PREP: variants seen among roughly 807,000 people sequenced by gnomAD.
PREP encodes the protein prolyl endopeptidase, also known as dJ355L5.1 (prolyl endopeptidase).
Under a neutral mutation model 87.6 loss-of-function variants are expected in PREP, and 29 were observed. The ratio of observed to expected loss-of-function variants is 0.33; its 90% CI spans 0.25 to 0.45. The LOEUF is 0.45. Among genes scored for constraint, PREP ranks in the 20% least tolerant of loss-of-function variants. The pLI, the probability that PREP is intolerant of heterozygous loss-of-function variation, is 1.00. For synonymous variants in PREP, 337 were observed against 328.6 expected, an observed-to-expected ratio of 1.03 and a Z score of -0.28; for missense variants, 695 against 886.5, an observed-to-expected ratio of 0.78 and a Z score of 2.74.
chr6:105,273,932 C>T lies in PREP; in HGVS notation c.*4212G>A, dbSNP rs377277829. Reference sequence around the variant, plus strand: ...CCCTCATTCCGTTCGGGTCTTTGTCCGAATGTTGCTTCCTGAAAGAGGCAC... The same window carrying T: ...CCCTCATTCCGTTCGGGTCTTTGTCTGAATGTTGCTTCCTGAAAGAGGCAC... On this transcript the variant is annotated 3_prime_UTR_variant, in exon 15 of 15. Coordinates refer to ENST00000652536, the MANE Select transcript of PREP (RefSeq NM_002726.5). 5.6e-4 allele frequency among the ~76,000 whole-genome samples: 85 copies of T among 152,270 alleles called. No individual in the cohort carries two copies. Among genetic ancestry groups the T allele is most frequent in the African/African-American group, 1.8e-3 (74 of 41,554 alleles).
At chr6:105,399,990 C>G (rs763322485) in intron 1 of PREP, among the ~76,000 whole-genome samples, 18 of 152,208 alleles carry the variant, frequency 1.2e-4, no homozygotes, top group Non-Finnish European at 2.4e-4. Flanking sequence ...CCTATCTGCC[C>G]AGACCGGGCA....
chr6:105,321,835 C>T (rs774352777), intron 10 of PREP, among the ~76,000 whole-genome samples: 1 of 152,050 alleles, frequency 6.6e-6, no homozygotes, highest in Non-Finnish European at 1.5e-5. Flanking sequence ...AGAGCTGAGC[C>T]CCCTCATAGA....
At chr6:105,363,335 T>G (rs963014700) in intron 6 of PREP, among the ~76,000 whole-genome samples, 2 of 152,168 alleles carry the variant, frequency 1.3e-5, no homozygotes, top group African/African-American at 4.8e-5. Flanking sequence ...TTTGATTTCT[T>G]TAGGATTTTT....
At chr6:105,353,307 T>C (rs546977787) in intron 6 of PREP, among the ~76,000 whole-genome samples, 1 of 152,344 alleles carries the variant, frequency 6.6e-6, no homozygotes, top group East Asian at 1.9e-4. Context: ...TAGTTGAAAA[T>C]ATCAGTAGAG....
chr6:105,385,707 A>G (rs1391397515), intron 2 of PREP, among the ~76,000 whole-genome samples: 1 of 152,236 alleles, frequency 6.6e-6, no homozygotes, highest in African/African-American at 2.4e-5. Flanking sequence ...GCATTTATTA[A>G]GCACTTACTA....
chr6:105,363,498 C>T (rs1342926343), intron 6 of PREP, among the ~76,000 whole-genome samples: 1 of 152,180 alleles, frequency 6.6e-6, no homozygotes, highest in Non-Finnish European at 1.5e-5. Flanking sequence ...GGCACCTCTG[C>T]CCATCAAAGC....
At chr6:105,383,173 A>G (rs1772891849) in intron 2 of PREP, among the ~76,000 whole-genome samples, 1 of 151,996 alleles carries the variant, frequency 6.6e-6, no homozygotes, top group Admixed American at 6.6e-5. Context: ...TTCAGGAAAC[A>G]CGTCCAGAAA....
intron 10 of PREP, among the ~76,000 whole-genome samples, chr6:105,294,240 C>T (rs1251616623): frequency 6.6e-6 from 1 of 152,204 alleles, no homozygotes; most frequent in Non-Finnish European, 1.5e-5. Context: ...AGGTCTAGGG[C>T]AGAGCCCCCA....
chr6:105,351,601 G>C (rs1344605701), intron 7 of PREP, among the ~76,000 whole-genome samples: 1 of 152,182 alleles, frequency 6.6e-6, no homozygotes, highest in Non-Finnish European at 1.5e-5. Flanking sequence ...AGCAGATATA[G>C]CAATAGCAGT....
At chr6:105,371,680 T>TA (rs1399476849) in intron 5 of PREP, among the ~76,000 whole-genome samples, 1 of 151,892 alleles carries the variant, frequency 6.6e-6, no homozygotes, top group Non-Finnish European at 1.5e-5. Flanking sequence ...TACCAGAATG[T>TA]AAAAAAAGCT....
intron 10 of PREP, among the ~76,000 whole-genome samples, chr6:105,319,057 C>G (rs1354944028): frequency 6.6e-6 from 1 of 152,164 alleles, no homozygotes; most frequent in Non-Finnish European, 1.5e-5. Flanking sequence ...AATCCCACTC[C>G]CTCCACCCCA....
intron 10 of PREP, among the ~76,000 whole-genome samples, chr6:105,302,048 G>T (rs1149309): frequency 0.19 from 28,672 of 152,218 alleles, 2,947 homozygotes; most frequent in African/African-American, 0.27. Flanking sequence ...CACAGGGCTA[G>T]GATGAATAAA....
chr6:105,292,994 T>C (rs1388604368), intron 10 of PREP, among the ~76,000 whole-genome samples: 2 of 152,238 alleles, frequency 1.3e-5, no homozygotes, highest in Non-Finnish European at 1.5e-5. Flanking sequence ...TGGCAAATGT[T>C]GTAGCTGGTT....
At chr6:105,316,444 TG>T (rs1275283923) in intron 10 of PREP, among the ~76,000 whole-genome samples, 1 of 152,182 alleles carries the variant, frequency 6.6e-6, no homozygotes, top group Non-Finnish European at 1.5e-5. Context: ...CTCACTGTGA[TG>T]TAATAATGAA....
intron 10 of PREP, among the ~76,000 whole-genome samples, chr6:105,321,125 C>A (rs1159430304): frequency 1.3e-5 from 2 of 152,228 alleles, no homozygotes; most frequent in South Asian, 4.2e-4. Context: ...AACAGTACTA[C>A]GTGTATGAGG....
intron 1 of PREP, among the ~76,000 whole-genome samples, chr6:105,401,325 C>T (rs1773425440): frequency 6.6e-6 from 1 of 152,146 alleles, no homozygotes. Context: ...CCTCAAGAAC[C>T]AGAACCAAGA....
chr6:105,287,121 T>C (rs1027988677), intron 11 of PREP, among the ~76,000 whole-genome samples: 5 of 152,060 alleles, frequency 3.3e-5, no homozygotes, highest in Non-Finnish European at 5.9e-5. Flanking sequence ...AGGGGCAAGG[T>C]TGCTCTACCT....
In PREP at chr6:105,368,920, A is replaced by C. The variant is rs1772465750; in HGVS notation, c.700T>G (p.Trp234Gly). ...LCAEFPDEPK[W>G]MGGAELSDDG... is the part of the protein sequence containing the mutation. ...TACAATACCTCAGCTCCACCCATCC[A>C]TTTAGGTTCATCAGGAAACTCAGCA... The change falls in exon 6 of 15, where the codon TGG becomes GGG. Residue 234 changes from tryptophan to glycine, a missense_variant. Around this residue, in one of 5 missense-constraint regions of PREP, gnomAD observed 517 missense variants for 620.3 expected, o/e 0.83. Transcript: ENST00000652536. The C allele has an allele frequency of 1.2e-5, 20 of 1,614,018 alleles. No homozygotes were observed. Among genetic ancestry groups the C allele is most frequent in the Non-Finnish European group, 1.7e-5 (20 of 1,179,966 alleles).
At chr6:105,401,441 T>C (rs957123335) in intron 1 of PREP, among the ~76,000 whole-genome samples, 2 of 152,202 alleles carry the variant, frequency 1.3e-5, no homozygotes, top group Admixed American at 1.3e-4. Flanking sequence ...AAGTAAGCCC[T>C]ATGGTCAGTC....
Sources: allele counts gnomAD v4.1 joint callset (sites outside exome capture counted in the v4.1 genomes callset), GRCh38; gene constraint gnomAD v4.1.1; regional missense constraint gnomAD v4.1.1; transcripts MANE v1.5; gene names NCBI Gene and HGNC (gene_info 2026-07-23, HGNC 2026-07-21).